Variants in LYPD6 observed in about 807,000 individuals in gnomAD.
The protein encoded by LYPD6 is ly6/PLAUR domain-containing protein 6.
LYPD6 carries 15 observed loss-of-function variants against 22.7 expected under a neutral mutation model. The observed-to-expected ratio is 0.66, with a 90% CI of 0.44 to 1.02. The LOEUF (loss-of-function observed/expected upper bound fraction) is 1.02. Ranked by LOEUF, LYPD6 falls within the 50% of genes least tolerant of loss-of-function variation. The probability of loss-of-function intolerance (pLI) is 0.00; values close to 1 mark genes in which losing one functional copy is unlikely to be tolerated. For synonymous variants in LYPD6, 72 were observed against 77.5 expected (o/e 0.93, Z 0.37); for missense variants, 189 against 208.4 (o/e 0.91, Z 0.57).
At chr2:149,389,293 G>A (rs1156580984) in intron 1 of LYPD6, among the ~76,000 whole-genome samples, 1 of 152,090 alleles carries the variant, frequency 6.6e-6, no homozygotes, top group Non-Finnish European at 1.5e-5. Context: ...TACAGGGTGG[G>A]GGAGAGTTGG....
intron 1 of LYPD6, among the ~76,000 whole-genome samples, chr2:149,388,440 T>G (rs1682236814): frequency 6.6e-6 from 1 of 152,208 alleles, no homozygotes; most frequent in Admixed American, 6.5e-5. Context: ...TACTTTGGGC[T>G]GAATCTCAAG....
chr2:149,456,682 C>A (rs2105170145), intron 3 of LYPD6, among the ~76,000 whole-genome samples: 1 of 152,210 alleles, frequency 6.6e-6, no homozygotes, highest in Middle Eastern at 3.4e-3. Context: ...AAAAGACTGC[C>A]CAAAAAGAGA....
chr2:149,349,888 T>C (rs1324903216), intron 1 of LYPD6, among the ~76,000 whole-genome samples: 1 of 152,186 alleles, frequency 6.6e-6, no homozygotes, highest in African/African-American at 2.4e-5. Flanking sequence ...ATTTAAAATT[T>C]ATTAGCAACT....
At chr2:149,344,796 T>G (rs1325365019) in intron 1 of LYPD6, among the ~76,000 whole-genome samples, 1 of 152,200 alleles carries the variant, frequency 6.6e-6, no homozygotes, top group African/African-American at 2.4e-5. Context: ...GATGGCTGTG[T>G]CTGAATTAGA....
rs1000168414 is a variant in LYPD6 at position 149,472,315 on chromosome 2, C to T, written c.*1465C>T. On this transcript the variant is annotated 3_prime_UTR_variant, in exon 5 of 5. Transcript: ENST00000334166. Reference sequence around the variant, plus strand: ...CAATATGTTTGTCTCAAGGATTTTTCCATGGTTTCCTCAGTGATGGTGTCC... The same window carrying T: ...CAATATGTTTGTCTCAAGGATTTTTTCATGGTTTCCTCAGTGATGGTGTCC... 6.6e-5 allele frequency: 10 copies of T among 152,172 alleles called. No individual in the cohort carries two copies. The highest frequency in any genetic ancestry group is 1.3e-4 in the Non-Finnish European group (9 of 67,978). The allele number at this position is 152,172 out of a possible 1,614,324, so 9.4% of individuals were successfully genotyped here. A position where few individuals can be genotyped will look rare whatever the true frequency, so the allele number is the denominator to read the frequency against.
chr2:149,463,824 T>G (rs1681139393), intron 3 of LYPD6, among the ~76,000 whole-genome samples: 1 of 151,924 alleles, frequency 6.6e-6, no homozygotes, highest in African/African-American at 2.4e-5. Context: ...AATGACAAAA[T>G]TATAGAAATG....
At chr2:149,480,819 C>G in the LYPD6 span, among the ~76,000 whole-genome samples, 1 of 152,302 alleles carries the variant, frequency 6.6e-6, no homozygotes, top group South Asian at 2.1e-4. Flanking sequence ...GCCATGCCCC[C>G]TTCCCTAGGC....
chr2:149,397,534 G>A (rs1239050603), intron 1 of LYPD6, among the ~76,000 whole-genome samples: 3 of 152,180 alleles, frequency 2.0e-5, no homozygotes, highest in Non-Finnish European at 4.4e-5. Context: ...AGTAGAGAGG[G>A]AGGGAAGGAA....
At chr2:149,337,391 C>T (rs1467013185) in intron 1 of LYPD6, among the ~76,000 whole-genome samples, 1 of 152,074 alleles carries the variant, frequency 6.6e-6, no homozygotes, top group Non-Finnish European at 1.5e-5. Flanking sequence ...GACCCCTGGG[C>T]CACAAAAGTG....
intron 2 of LYPD6, among the ~76,000 whole-genome samples, chr2:149,438,631 CTG>C (rs1231337793): frequency 6.6e-6 from 1 of 152,242 alleles, no homozygotes; most frequent in Non-Finnish European, 1.5e-5. Flanking sequence ...TGAGTGTCCA[CTG>C]TGTGTCAAGG....
At chr2:149,381,326 TTAAGA>T (rs1403240129) in intron 1 of LYPD6, among the ~76,000 whole-genome samples, 3 of 152,100 alleles carry the variant, frequency 2.0e-5, no homozygotes, top group African/African-American at 7.2e-5. Flanking sequence ...GAGCAAAAAG[TTAAGA>T]TACGGAGGGG....
At chr2:149,484,028 A>G in the LYPD6 span, among the ~76,000 whole-genome samples, 12 of 152,220 alleles carry the variant, frequency 7.9e-5, no homozygotes, top group Non-Finnish European at 1.5e-4. Flanking sequence ...TTGAGGCTCA[A>G]AAGAGATCAT....
At chr2:149,412,540 T>G (rs1390481848) in intron 1 of LYPD6, among the ~76,000 whole-genome samples, 2 of 152,138 alleles carry the variant, frequency 1.3e-5, no homozygotes, top group Non-Finnish European at 2.9e-5. Context: ...GTTTCTCAAC[T>G]CTTAATAGCC....
At chr2:149,341,046 C>T (rs1032426521) in intron 1 of LYPD6, among the ~76,000 whole-genome samples, 4 of 152,006 alleles carry the variant, frequency 2.6e-5, no homozygotes, top group Non-Finnish European at 4.4e-5. Flanking sequence ...TAATATCCTG[C>T]GTTTATATAG....
At chr2:149,426,707 A>T (rs1683195396) in intron 1 of LYPD6, among the ~76,000 whole-genome samples, 1 of 152,192 alleles carries the variant, frequency 6.6e-6, no homozygotes, top group African/African-American at 2.4e-5. Flanking sequence ...TGGAAGAAAC[A>T]TTTCATGAAG....
At chr2:149,456,962 T>C (rs1680971372) in intron 3 of LYPD6, among the ~76,000 whole-genome samples, 1 of 152,226 alleles carries the variant, frequency 6.6e-6, no homozygotes, top group Non-Finnish European at 1.5e-5. Context: ...TTAGATTTAG[T>C]TGTAATCCGT....
At chr2:149,419,845 T>C (rs1290886847) in intron 1 of LYPD6, among the ~76,000 whole-genome samples, 1 of 152,172 alleles carries the variant, frequency 6.6e-6, no homozygotes, top group East Asian at 1.9e-4. Flanking sequence ...TGTGTGTGTG[T>C]GTGTGTCTGT....
At chr2:149,364,677 A>G (rs1681628677) in intron 1 of LYPD6, among the ~76,000 whole-genome samples, 1 of 151,952 alleles carries the variant, frequency 6.6e-6, no homozygotes, top group Non-Finnish European at 1.5e-5. Context: ...CCTGGGATGA[A>G]TTCTTAGACA....
chr2:149,381,522 A>G (rs1037558851), intron 1 of LYPD6, among the ~76,000 whole-genome samples: 2 of 152,146 alleles, frequency 1.3e-5, no homozygotes, highest in African/African-American at 4.8e-5. Flanking sequence ...TGATTGCTTC[A>G]GATTTTTTAG....
Sources: allele counts gnomAD v4.1 joint callset (sites outside exome capture counted in the v4.1 genomes callset), GRCh38; gene constraint gnomAD v4.1.1; transcripts MANE v1.5; gene names NCBI Gene and HGNC (gene_info 2026-07-23, HGNC 2026-07-21).